SGCZ: variants seen among roughly 807,000 people sequenced by gnomAD.
SGCZ encodes sarcoglycan zeta.
In SGCZ, 40 loss-of-function variants were observed where a neutral mutation model predicts 41.3. That is an observed-to-expected ratio of 0.97 (90% CI 0.75 to 1.26). The LOEUF is 1.26. SGCZ is among the 50% of genes most tolerant of loss of function. SGCZ has a pLI of 0.00. For synonymous variants in SGCZ, 206 were observed against 137.5 expected (o/e 1.50, Z -3.49); for missense variants, 552 against 369.8 (o/e 1.49, Z -4.04).
intron 1 of SGCZ, among the ~76,000 whole-genome samples, chr8:15,112,529 A>C (rs1318944147): frequency 6.6e-6 from 1 of 152,124 alleles, no homozygotes; most frequent in Non-Finnish European, 1.5e-5. Flanking sequence ...ATGAATCTGA[A>C]CTCTAGGAAT....
chr8:14,450,164 C>T lies in SGCZ; in HGVS notation c.234+104568G>A, dbSNP rs545748415. ...TCGTGAATGTCCCATAAGGCCATGG[C>T]TGTGTGATGAAGCCAGGCTACACAG... On this transcript the variant is annotated intron_variant, in intron 2 of 7. Transcript: ENST00000382080. 3.3e-5 allele frequency among the ~76,000 whole-genome samples: 5 copies of T among 152,270 alleles called. No homozygotes were observed. In the East Asian group the frequency reaches 9.7e-4, roughly 29 times the overall value.
At chr8:14,958,545 A>C (rs1300994782) in intron 1 of SGCZ, among the ~76,000 whole-genome samples, 1 of 152,048 alleles carries the variant, frequency 6.6e-6, no homozygotes, top group East Asian at 1.9e-4. Flanking sequence ...GTGGTGAAAA[A>C]AATGAGAAGT....
chr8:14,673,741 G>C (rs1353382202), intron 1 of SGCZ, among the ~76,000 whole-genome samples: 2 of 152,106 alleles, frequency 1.3e-5, no homozygotes, highest in Non-Finnish European at 2.9e-5. Flanking sequence ...TTAATGTACA[G>C]ATGAACAAAT....
chr8:14,183,821 G>A (rs1306561863), intron 4 of SGCZ, among the ~76,000 whole-genome samples: 2 of 151,864 alleles, frequency 1.3e-5, no homozygotes, highest in Non-Finnish European at 2.9e-5. Flanking sequence ...CCTAACCAGA[G>A]GAATAAAACT....
chr8:14,303,390 T>C (rs1226490675), intron 3 of SGCZ, among the ~76,000 whole-genome samples: 1 of 152,088 alleles, frequency 6.6e-6, no homozygotes, highest in Non-Finnish European at 1.5e-5. Context: ...AATATCAAGA[T>C]AATAAATTAT....
chr8:14,237,484 A>AAACAACAACAAC lies in SGCZ; in HGVS notation c.424+96_424+107dup, dbSNP rs71541654. On this transcript the variant is annotated intron_variant, in intron 4 of 7. Transcript: ENST00000382080. ...GGTGACAGAGTGAGACTCTGTCTCA[A>AAACAACAACAAC]AACAACAACAACAACAACAACAACG... The AAACAACAACAAC allele has an allele frequency of 3.4e-6, 3 of 890,032 alleles. No individual in the cohort carries two copies. The East Asian group carries it at 7.9e-5, about 23-fold the overall frequency. The allele number at this position is 890,032 out of a possible 1,614,324, so 55.1% of individuals were successfully genotyped here. A position where few individuals can be genotyped will look rare whatever the true frequency, so the allele number is the denominator to read the frequency against.
intron 1 of SGCZ, among the ~76,000 whole-genome samples, chr8:14,575,146 G>T (rs1168944830): frequency 6.6e-6 from 1 of 152,150 alleles, no homozygotes; most frequent in Non-Finnish European, 1.5e-5. Context: ...GAAGACTGGA[G>T]AATAAATAAT....
chr8:14,717,344 G>T (rs1375046567), intron 1 of SGCZ, among the ~76,000 whole-genome samples: 1 of 152,040 alleles, frequency 6.6e-6, no homozygotes, highest in Non-Finnish European at 1.5e-5. Context: ...TAAAATATAT[G>T]TTTCCTTTAC....
intron 1 of SGCZ, among the ~76,000 whole-genome samples, chr8:15,134,722 G>A (rs957862847): frequency 6.6e-6 from 1 of 152,276 alleles, no homozygotes; most frequent in African/African-American, 2.4e-5. Flanking sequence ...ACACACTTGT[G>A]TTTGACAAAA....
At chr8:14,348,959 C>T (rs919346243) in intron 2 of SGCZ, among the ~76,000 whole-genome samples, 3 of 152,072 alleles carry the variant, frequency 2.0e-5, no homozygotes, top group Non-Finnish European at 4.4e-5. Context: ...TTACTGGACT[C>T]ATTTTTACTG....
chr8:14,639,441 A>T (rs186631492), intron 1 of SGCZ, among the ~76,000 whole-genome samples: 2 of 151,766 alleles, frequency 1.3e-5, no homozygotes, highest in East Asian at 3.9e-4. Flanking sequence ...TTACTTCATA[A>T]AGATATTAGG....
intron 1 of SGCZ, among the ~76,000 whole-genome samples, chr8:14,836,114 C>T (rs372316845): frequency 6.6e-6 from 1 of 152,028 alleles, no homozygotes; most frequent in Non-Finnish European, 1.5e-5. Flanking sequence ...ATCATTTTTA[C>T]TGCCTCCCCC....
At chr8:15,157,728 C>T (rs1169090310) in intron 1 of SGCZ, among the ~76,000 whole-genome samples, 1 of 152,104 alleles carries the variant, frequency 6.6e-6, no homozygotes, top group Non-Finnish European at 1.5e-5. Flanking sequence ...CTGAATGAAA[C>T]CTTTACAGTA....
At chr8:15,229,051 G>C (rs571520609) in intron 1 of SGCZ, among the ~76,000 whole-genome samples, 3 of 152,090 alleles carry the variant, frequency 2.0e-5, no homozygotes, top group Non-Finnish European at 4.4e-5. Flanking sequence ...AATCAGCCAG[G>C]CGTGATGGCG....
chr8:14,209,905 A>T (rs1164852374), intron 4 of SGCZ, among the ~76,000 whole-genome samples: 8 of 152,134 alleles, frequency 5.3e-5, no homozygotes, highest in Non-Finnish European at 1.0e-4. Flanking sequence ...CTTATGAATT[A>T]GTTAAAATAA....
chr8:14,728,822 G>A (rs539229741), intron 1 of SGCZ, among the ~76,000 whole-genome samples: 56 of 152,318 alleles, frequency 3.7e-4, no homozygotes, highest in African/African-American at 1.3e-3. Flanking sequence ...AATGCGTGTG[G>A]TGAGTAGCAA....
At chr8:14,436,372 T>C (rs1314415496) in intron 2 of SGCZ, among the ~76,000 whole-genome samples, 1 of 152,198 alleles carries the variant, frequency 6.6e-6, no homozygotes, top group African/African-American at 2.4e-5. Flanking sequence ...TCGCATGAAC[T>C]TTATTTTTTT....
intron 1 of SGCZ, among the ~76,000 whole-genome samples, chr8:15,132,390 C>T (rs1319603673): frequency 6.6e-6 from 1 of 152,152 alleles, no homozygotes; most frequent in African/African-American, 2.4e-5. Flanking sequence ...ACCTCAATCT[C>T]CCCTTATACC....
chr8:14,303,324 A>T (rs1801253955), intron 3 of SGCZ, among the ~76,000 whole-genome samples: 1 of 152,140 alleles, frequency 6.6e-6, no homozygotes, highest in Non-Finnish European at 1.5e-5. Flanking sequence ...GAAATATGGG[A>T]GGTTAGGGTT....
Sources: allele counts gnomAD v4.1 joint callset (sites outside exome capture counted in the v4.1 genomes callset), GRCh38; gene constraint gnomAD v4.1.1; transcripts MANE v1.5; gene names NCBI Gene and HGNC (gene_info 2026-07-23, HGNC 2026-07-21).